Variants in SPAG9 observed in about 807,000 individuals in gnomAD.
The protein encoded by SPAG9 is sperm associated antigen 9.
Under a neutral mutation model 166.5 loss-of-function variants are expected in SPAG9, and 35 were observed. The ratio of observed to expected loss-of-function variants is 0.21; its 90% CI spans 0.16 to 0.28. The LOEUF (loss-of-function observed/expected upper bound fraction) is 0.28. SPAG9 is among the 10% of genes least tolerant of loss of function. SPAG9 has a pLI of 1.00. For missense variants in SPAG9, 1,235 were observed against 1,603.3 expected (o/e 0.77, Z 3.92); for synonymous variants, 534 against 565.5 (o/e 0.94, Z 0.79).
At chr17:50,998,650 G>A (rs750639978) in intron 14 of SPAG9, 33 bp from the exon 15 acceptor site, 1 of 1,582,478 alleles carries the variant, frequency 6.3e-7, no homozygotes, top group Non-Finnish European at 8.6e-7. Context: ...TGTGTCACAT[G>A]TACTATGAGA....
chr17:51,115,707 G>A (rs1256355098), intron 1 of SPAG9, among the ~76,000 whole-genome samples: 3 of 152,052 alleles, frequency 2.0e-5, no homozygotes, highest in African/African-American at 7.2e-5. Context: ...GCGCATGCCT[G>A]TAATCCCAGC....
intron 21 of SPAG9, among the ~76,000 whole-genome samples, chr17:50,988,690 A>G (rs1975271011): frequency 6.6e-6 from 1 of 152,020 alleles, no homozygotes; most frequent in African/African-American, 2.4e-5. Flanking sequence ...AGTAGCTGGG[A>G]CCATAGGTGC....
chr17:50,981,389 TGTGGATGGATGGATGG>T (rs1974587908), intron 25 of SPAG9, among the ~76,000 whole-genome samples: 1 of 143,446 alleles, frequency 7.0e-6, no homozygotes, highest in Admixed American at 6.8e-5. Context: ...TCAACCTGTG[TGTGGATGGATGGATGG>T]ATGGATGGAT....
Position 51,089,694 on chromosome 17 carries a change from G to A in SPAG9, c.304-9990C>T, listed in dbSNP as rs570659432. Among the ~76,000 whole-genome samples, 7 of 80,446 alleles carry A rather than the reference G, an allele frequency of 8.7e-5. 1 individual carries two copies. The highest frequency in any genetic ancestry group is 1.8e-4 in the Non-Finnish European group (7 of 39,412). The allele number at this position is 80,446 out of a possible 152,430, so 52.8% of individuals were successfully genotyped here. On this transcript the variant is annotated intron_variant, in intron 1 of 29. Coordinates refer to ENST00000262013, the MANE Select transcript of SPAG9 (RefSeq NM_001130528.3). ...TACACACACACACTTTCTTTTTTTT[G>A]ATATGGAGTCTCGCTCTGTGACCCA...
chr17:51,008,925 T>C (rs191778753), intron 9 of SPAG9, among the ~76,000 whole-genome samples: 4 of 152,256 alleles, frequency 2.6e-5, no homozygotes, highest in Admixed American at 2.0e-4. Context: ...GAAATAAGAA[T>C]GTAGACTGGT....
At chr17:51,066,120 T>C (rs1359297243) in intron 2 of SPAG9, among the ~76,000 whole-genome samples, 3 of 151,946 alleles carry the variant, frequency 2.0e-5, no homozygotes, top group Non-Finnish European at 1.5e-5. Context: ...TTTTTTTTTT[T>C]CTTGAGACAG....
At chr17:51,000,150 T>C (rs1218560661) in intron 13 of SPAG9, among the ~76,000 whole-genome samples, 2 of 152,142 alleles carry the variant, frequency 1.3e-5, no homozygotes, top group Admixed American at 6.5e-5. Context: ...TGAGGGGTCA[T>C]TTTTCACAAG....
In SPAG9 at chr17:51,067,622, C is replaced by A. The variant is rs115785443; in HGVS notation, c.425-11140G>T. Among the ~76,000 whole-genome samples the A allele has an allele frequency of 5.4e-3, 816 of 151,828 alleles. 8 individuals carry two copies. Among genetic ancestry groups the A allele is most frequent in the African/African-American group, 0.018 (759 of 41,358 alleles). On this transcript the variant is annotated intron_variant, in intron 2 of 29. Transcript: ENST00000262013. ...AAAACTAGCTCCAAGCCGAGATTAA[C>A]TGGAAATAAACAAGATTCTGTTCAT...
chr17:51,075,582 G>T (rs1441119207), intron 2 of SPAG9, among the ~76,000 whole-genome samples: 1 of 152,014 alleles, frequency 6.6e-6, no homozygotes, highest in Non-Finnish European at 1.5e-5. Context: ...CCCAGCATTT[G>T]GGGGGCCAAG....
At chr17:51,052,543 G>A (rs1420666122) in intron 3 of SPAG9, among the ~76,000 whole-genome samples, 1 of 151,964 alleles carries the variant, frequency 6.6e-6, no homozygotes, top group Non-Finnish European at 1.5e-5. Flanking sequence ...CTTGGTTACT[G>A]GACAGACCTA....
intron 5 of SPAG9, among the ~76,000 whole-genome samples, chr17:51,035,153 T>TA (rs1568025063): frequency 6.6e-6 from 1 of 151,990 alleles, no homozygotes; most frequent in African/African-American, 2.4e-5. Context: ...GTAATAAAAA[T>TA]TTTTTTTAAA....
At chr17:51,005,535 G>T (rs1382793510) in intron 11 of SPAG9, among the ~76,000 whole-genome samples, 1 of 152,154 alleles carries the variant, frequency 6.6e-6, no homozygotes, top group Non-Finnish European at 1.5e-5. Flanking sequence ...AACTCTTTTT[G>T]CATCATTATA....
chr17:51,008,602 C>G (rs547340397), intron 9 of SPAG9, among the ~76,000 whole-genome samples: 2 of 152,116 alleles, frequency 1.3e-5, no homozygotes, highest in South Asian at 4.1e-4. Context: ...AAAACAAAAA[C>G]AGCCAACCTA....
rs2048590307 is a variant in SPAG9, at chr17:51,095,620, C to T, written c.304-15916G>A. ...GAGCCGAGATCATGCCACTGCACTC[C>T]AGCCTGGGCGACAGAGTGAGAATCC... On this transcript the variant is annotated intron_variant, in intron 1 of 29. Coordinates refer to ENST00000262013, the MANE Select transcript of SPAG9 (RefSeq NM_001130528.3). 2.0e-5 allele frequency among the ~76,000 whole-genome samples: 3 copies of T among 150,636 alleles called. No individual in the cohort carries two copies. In the Admixed American group the frequency reaches 2.0e-4, roughly 10 times the overall value.
intron 8 of SPAG9, among the ~76,000 whole-genome samples, chr17:51,018,188 T>C (rs1411686624): frequency 7.0e-6 from 1 of 141,866 alleles, no homozygotes; most frequent in Non-Finnish European, 1.5e-5. Flanking sequence ...CCATCTCTAC[T>C]AAAAATACAA....
chr17:51,026,797 C>T (rs1184162768), intron 6 of SPAG9, among the ~76,000 whole-genome samples: 1 of 151,724 alleles, frequency 6.6e-6, no homozygotes, highest in African/African-American at 2.4e-5. Context: ...CTGCCTCAGC[C>T]TCCCGAGTAG....
chr17:51,082,874 G>A (rs1162765563), intron 1 of SPAG9, among the ~76,000 whole-genome samples: 1 of 152,078 alleles, frequency 6.6e-6, no homozygotes, highest in Non-Finnish European at 1.5e-5. Flanking sequence ...CCAGTTTCAT[G>A]CTAAGTATAT....
At chr17:51,069,670 T>C (rs2144588275) in intron 2 of SPAG9, among the ~76,000 whole-genome samples, 1 of 152,264 alleles carries the variant, frequency 6.6e-6, no homozygotes, top group South Asian at 2.1e-4. Flanking sequence ...CTCCCCCAAC[T>C]TTCTATCTAG....
At chr17:51,041,975 A>G (rs1028623824) in intron 4 of SPAG9, among the ~76,000 whole-genome samples, 1 of 152,140 alleles carries the variant, frequency 6.6e-6, no homozygotes, top group African/African-American at 2.4e-5. Flanking sequence ...TGGGTTTTTA[A>G]CCATACGTAG....
Sources: allele counts gnomAD v4.1 joint callset (sites outside exome capture counted in the v4.1 genomes callset), GRCh38; gene constraint gnomAD v4.1.1; transcripts MANE v1.5; gene names NCBI Gene and HGNC (gene_info 2026-07-23, HGNC 2026-07-21).